Variants in ZNF532 observed in about 807,000 individuals in gnomAD.
ZNF532 encodes the protein zinc finger protein 532.
ZNF532 carries 22 observed loss-of-function variants against 89.3 expected under a neutral mutation model. The ratio of observed to expected loss-of-function variants is 0.25; its 90% CI spans 0.18 to 0.35. ZNF532 has a LOEUF of 0.35. Among genes scored for constraint, ZNF532 ranks in the 10% least tolerant of loss-of-function variants. The pLI, the probability that ZNF532 is intolerant of heterozygous loss-of-function variation, is 1.00. For synonymous variants in ZNF532, 606 were observed against 649.6 expected (o/e 0.93, Z 1.02); for missense variants, 1,132 against 1,643.4 (o/e 0.69, Z 5.38).
In ZNF532 at chr18:58,910,722, G is replaced by A. The variant is rs545679966; in HGVS notation, c.-17-7549G>A. On this transcript the variant is annotated intron_variant, in intron 2 of 9. Coordinates refer to ENST00000591808, the MANE Select transcript of ZNF532 (RefSeq NM_001375912.1). Reference sequence around the variant, plus strand: ...ACTCCTGGTCTCAAGTGATCCACCCGCCTCAGCCTCCCAAAGTGCTGGGAT... The same window carrying A: ...ACTCCTGGTCTCAAGTGATCCACCCACCTCAGCCTCCCAAAGTGCTGGGAT... Among the ~76,000 whole-genome samples, 182 of 151,960 alleles carry A rather than the reference G, an allele frequency of 1.2e-3. 1 individual carries two copies. Among genetic ancestry groups the A allele is most frequent in the Non-Finnish European group, 2.3e-3 (153 of 67,984 alleles).
intron 2 of ZNF532, among the ~76,000 whole-genome samples, chr18:58,878,276 GA>G (rs11421061): frequency 6.6e-6 from 1 of 151,172 alleles, no homozygotes; most frequent in Non-Finnish European, 1.5e-5. Context: ...AAAACAAAAC[GA>G]AAAAAAACCA....
intron 3 of ZNF532, among the ~76,000 whole-genome samples, chr18:58,930,461 T>C (rs2061859854): frequency 6.6e-6 from 1 of 151,982 alleles, no homozygotes; most frequent in African/African-American, 2.4e-5. Flanking sequence ...ACCCTGTCTC[T>C]ACTAAAATAC....
At chr18:58,940,071 TG>T (rs1395667845) in intron 5 of ZNF532, 10 of 153,720 alleles carry the variant, frequency 6.5e-5, no homozygotes, top group African/African-American at 2.4e-4. Context: ...TTTTTTGTAT[TG>T]TTAATAGAGA....
intron 2 of ZNF532, among the ~76,000 whole-genome samples, chr18:58,902,144 T>C (rs2059643231): frequency 6.6e-6 from 1 of 152,192 alleles, no homozygotes; most frequent in Non-Finnish European, 1.5e-5. Flanking sequence ...TGCTCTGCTC[T>C]CTGTGGGGCC....
chr18:58,883,845 C>G, intron 2 of ZNF532, among the ~76,000 whole-genome samples: 1 of 152,084 alleles, frequency 6.6e-6, no homozygotes, highest in East Asian at 1.9e-4. Flanking sequence ...ATAGGTCATC[C>G]CAGTGGAGAG....
At chr18:58,961,775 A>G (rs1193322683) in intron 7 of ZNF532, among the ~76,000 whole-genome samples, 3 of 152,228 alleles carry the variant, frequency 2.0e-5, no homozygotes, top group African/African-American at 7.2e-5. Context: ...GGGAGCTTTG[A>G]TAGCTGTCTT....
intron 7 of ZNF532, among the ~76,000 whole-genome samples, chr18:58,959,165 A>G (rs2065074805): frequency 6.6e-6 from 1 of 152,106 alleles, no homozygotes; most frequent in African/African-American, 2.4e-5. Flanking sequence ...TTAACTTATT[A>G]ATTGAAATAT....
chr18:58,963,783 C>A (rs947942347), intron 7 of ZNF532, among the ~76,000 whole-genome samples: 1 of 144,022 alleles, frequency 6.9e-6, no homozygotes, highest in African/African-American at 2.7e-5. Context: ...AGTCGTGTCA[C>A]TGCACTCCAG....
chr18:58,906,431 T>C (rs990426902), intron 2 of ZNF532, among the ~76,000 whole-genome samples: 13 of 152,220 alleles, frequency 8.5e-5, no homozygotes, highest in Non-Finnish European at 1.9e-4. Flanking sequence ...TTTTTTTGTT[T>C]TTTTTGGAGG....
At chr18:58,970,686 G>A (rs185441877) in intron 7 of ZNF532, among the ~76,000 whole-genome samples, 5 of 152,370 alleles carry the variant, frequency 3.3e-5, no homozygotes, top group Admixed American at 6.5e-5. Context: ...TAATAAAGAT[G>A]TACCCAGTGG....
intron 7 of ZNF532, 64 bp from the exon 8 acceptor site, chr18:58,978,991 G>A: frequency 1.5e-6 from 2 of 1,301,060 alleles, no homozygotes; most frequent in South Asian, 1.2e-5. Flanking sequence ...TTACAAAAGA[G>A]TTCTTAATTG....
chr18:58,949,172 A>G (rs1055035652), intron 6 of ZNF532, among the ~76,000 whole-genome samples: 8 of 152,134 alleles, frequency 5.3e-5, no homozygotes, highest in African/African-American at 1.9e-4. Flanking sequence ...CCAACCCCCA[A>G]AAGGGGCACA....
At chr18:58,945,738 T>A (rs1190379989) in intron 5 of ZNF532, among the ~76,000 whole-genome samples, 5 of 151,848 alleles carry the variant, frequency 3.3e-5, no homozygotes, top group African/African-American at 9.7e-5. Context: ...TTTATTTTTT[T>A]TTTTTTTTGA....
At chr18:58,877,906 A>C (rs1221973640) in intron 2 of ZNF532, among the ~76,000 whole-genome samples, 1 of 151,800 alleles carries the variant, frequency 6.6e-6, no homozygotes, top group Non-Finnish European at 1.5e-5. Flanking sequence ...GAATGTAGCT[A>C]GGGCAGAATG....
intron 2 of ZNF532, among the ~76,000 whole-genome samples, chr18:58,877,615 A>G (rs1403760229): frequency 2.6e-5 from 4 of 152,242 alleles, no homozygotes; most frequent in South Asian, 2.1e-4. Context: ...GTTCTGTGTT[A>G]TATGAATCTG....
intron 3 of ZNF532, among the ~76,000 whole-genome samples, chr18:58,928,917 G>A (rs2061735339): frequency 6.6e-6 from 1 of 152,188 alleles, no homozygotes; most frequent in Non-Finnish European, 1.5e-5. Flanking sequence ...GGATGTCATT[G>A]CTTCACCTCC....
intron 2 of ZNF532, among the ~76,000 whole-genome samples, chr18:58,916,883 GA>G (rs535707579): frequency 4.3e-4 from 64 of 149,664 alleles, no homozygotes; most frequent in African/African-American, 1.5e-3. Context: ...GATTGTACAA[GA>G]AAAAAAAAAT....
chr18:58,899,400 A>G (rs957381837), intron 2 of ZNF532, among the ~76,000 whole-genome samples: 18 of 152,120 alleles, frequency 1.2e-4, no homozygotes, highest in African/African-American at 4.3e-4. Context: ...GTCTTGGGAG[A>G]TGTTCCTGTA....
At chr18:58,971,036 G>C (rs1477814400) in intron 7 of ZNF532, among the ~76,000 whole-genome samples, 2 of 152,170 alleles carry the variant, frequency 1.3e-5, no homozygotes, top group Non-Finnish European at 2.9e-5. Context: ...TTGGCCTTCT[G>C]TTCTTGTGCA....
Sources: gnomAD v4.1 joint callset for allele counts (sites outside exome capture counted in the v4.1 genomes callset) on GRCh38, gnomAD v4.1.1 for gene constraint, MANE v1.5 for transcripts, NCBI Gene and HGNC (gene_info 2026-07-23, HGNC 2026-07-21) for gene names.